The following SCAMP4 variants were observed in gnomAD, a reference collection of about 807,000 sequenced individuals.
SCAMP4 encodes secretory carrier-associated membrane protein 4.
Under a neutral mutation model 32.1 loss-of-function variants are expected in SCAMP4, and 19 were observed. That is an observed-to-expected ratio of 0.59 (90% confidence interval 0.41 to 0.87). The LOEUF (loss-of-function observed/expected upper bound fraction) is 0.87, where lower values mean the gene tolerates loss of function less well. Among genes scored for constraint, SCAMP4 ranks in the 40% least tolerant of loss-of-function variants. The probability of loss-of-function intolerance (pLI) is 0.00; values close to 1 mark genes in which losing one functional copy is unlikely to be tolerated. For synonymous variants in SCAMP4, 152 were observed against 132.7 expected (o/e 1.15, Z -1.00); for missense variants, 302 against 309.0 (o/e 0.98, Z 0.17).
At chr19:1,919,364 C>T (rs1599253480) in intron 5 of SCAMP4, 6 of 985,420 alleles carry the variant, frequency 6.1e-6, no homozygotes, top group Non-Finnish European at 7.2e-6. Flanking sequence ...GGAGGAAGAC[C>T]TGTACATCTG....
rs1217244788 is a variant in SCAMP4, at chr19:1,925,887, C to CA, written c.*1607dup. Reference sequence around the variant, plus strand: ...AGCCTCTCGCCTGCACTGATGCAGACAAAATCTCACCTGGCAGGCCCAACC... The same window carrying CA: ...AGCCTCTCGCCTGCACTGATGCAGACAAAAATCTCACCTGGCAGGCCCAACC... On this transcript the variant is annotated 3_prime_UTR_variant, in exon 7 of 7. Coordinates refer to ENST00000316097, the MANE Select transcript of SCAMP4 (RefSeq NM_079834.4). The CA allele has an allele frequency of 6.7e-6, 1 of 150,036 alleles. No homozygotes were observed. The highest frequency in any genetic ancestry group is 1.5e-5 in the Non-Finnish European group (1 of 67,682). 9.3% of individuals were successfully genotyped at this position (150,036 alleles called of 1,614,324 possible). A position where few individuals can be genotyped will look rare whatever the true frequency, so the allele number is the denominator to read the frequency against.
chr19:1,911,770 G>C (rs2145434723), intron 1 of SCAMP4: 3 of 325,670 alleles, frequency 9.2e-6, no homozygotes, highest in Non-Finnish European at 1.1e-5. Context: ...GCGACAGCGA[G>C]ACTCCGTCTC....
rs569296092 is a variant in SCAMP4, at chr19:1,908,458, G to A, written c.-42+3019G>A. 11 of 470,504 alleles carry A rather than the reference G, an allele frequency of 2.3e-5. No individual in the cohort carries two copies. In the East Asian group the frequency reaches 4.9e-4, roughly 21 times the overall value. 29.1% of individuals were successfully genotyped at this position (470,504 alleles called of 1,614,324 possible). ...GTAGCACCCACAGCTGCGCGGCTGC[G>A]AAATGATCCAGAGACACATCCCTGT... On this transcript the variant is annotated intron_variant, in intron 1 of 6. Coordinates refer to ENST00000316097, the MANE Select transcript of SCAMP4 (RefSeq NM_079834.4). The surrounding 1 kb of genome is among the most constrained non-coding windows in gnomAD (Gnocchi z 4.2).
intron 1 of SCAMP4, chr19:1,911,979 C>T (rs2013474923): frequency 3.5e-6 from 5 of 1,409,310 alleles, no homozygotes; most frequent in East Asian, 5.5e-5. Context: ...GCAGCACGCC[C>T]TGCCTTGTGG....
chr19:1,920,907 C>G, intron 5 of SCAMP4: 1 of 985,418 alleles, frequency 1.0e-6, no homozygotes, highest in Non-Finnish European at 1.2e-6. Context: ...CCCTCGTGCA[C>G]GTGCGGCAGC....
intron 5 of SCAMP4, 200 bp downstream of exon 5, chr19:1,919,190 G>C (rs1038200926): frequency 9.2e-6 from 13 of 1,419,802 alleles, no homozygotes; most frequent in Non-Finnish European, 1.1e-5. Context: ...GCCATGGTTC[G>C]CGATTGTAGG....
intron 6 of SCAMP4, among the ~76,000 whole-genome samples, chr19:1,923,787 TA>T (rs1256069388): frequency 3.4e-5 from 5 of 145,396 alleles, no homozygotes. Context: ...CCTGGCTAAT[TA>T]TTTTGTTTTT....
At chr19:1,909,307 C>G (rs2013309954) in intron 1 of SCAMP4, among the ~76,000 whole-genome samples, 1 of 152,168 alleles carries the variant, frequency 6.6e-6, no homozygotes, top group African/African-American at 2.4e-5. Flanking sequence ...GCAGTCCCTG[C>G]AGGCTGGCTG....
chr19:1,924,743 C>T lies in SCAMP4; in HGVS notation c.*459C>T, dbSNP rs1043135655. ...CGTCACCATGGCAGATGCCCTTGGC[C>T]GGAACTAATAAGAGGCGTCGGGGCC... On this transcript the variant is annotated 3_prime_UTR_variant, in exon 7 of 7. Coordinates refer to ENST00000316097, the MANE Select transcript of SCAMP4 (RefSeq NM_079834.4). 5.9e-5 allele frequency: 12 copies of T among 201,880 alleles called. No homozygotes were observed. The highest frequency in any genetic ancestry group is 2.2e-4 in the East Asian group (2 of 9,042). 12.5% of individuals were successfully genotyped at this position (201,880 alleles called of 1,614,324 possible).
At chr19:1,922,949 A>G (rs1001294731) in intron 5 of SCAMP4, 121 bp from the exon 6 acceptor site, 71 of 1,364,592 alleles carry the variant, frequency 5.2e-5, no homozygotes, top group African/African-American at 1.6e-4. Flanking sequence ...TCGTCCTTGT[A>G]TGAGCTGTCC....
chr19:1,917,563 C>T, intron 2 of SCAMP4, 131 bp from the exon 3 acceptor site: 2 of 958,532 alleles, frequency 2.1e-6, no homozygotes, highest in Non-Finnish European at 3.1e-6. Context: ...GTCTCAGCGT[C>T]CTGCCCTCAA....
chr19:1,920,727 T>C, intron 5 of SCAMP4: 1 of 985,570 alleles, frequency 1.0e-6, no homozygotes, highest in Non-Finnish European at 1.2e-6. Flanking sequence ...CGGCTCCCAC[T>C]GGCCCTTCCC....
intron 1 of SCAMP4, chr19:1,912,202 A>C: frequency 6.3e-7 from 1 of 1,589,328 alleles, no homozygotes; most frequent in East Asian, 2.3e-5. Context: ...TCCGAGAAGC[A>C]GTCAGGGGAC....
intron 2 of SCAMP4, 51 bp downstream of exon 2, chr19:1,915,077 G>A: frequency 4.3e-6 from 7 of 1,611,210 alleles, no homozygotes; most frequent in Non-Finnish European, 5.1e-6. Flanking sequence ...GGAGGGAGAT[G>A]CCAGCAGTTC....
intron 1 of SCAMP4, chr19:1,914,670 A>C: frequency 2.3e-6 from 1 of 439,204 alleles, no homozygotes. Context: ...TGTGGGCTGA[A>C]GCCGGGATTT....
intron 1 of SCAMP4, chr19:1,912,306 G>A (rs1385656959): frequency 9.0e-6 from 14 of 1,559,632 alleles, no homozygotes; most frequent in African/African-American, 1.4e-5. Flanking sequence ...CCCGCTCCCC[G>A]CCCAGCCTCA....
chr19:1,920,717 C>T lies in SCAMP4; in HGVS notation c.395+1727C>T, dbSNP rs764857369. On this transcript the variant is annotated intron_variant, in intron 5 of 6. Transcript: ENST00000316097. ...CCTCCTGAGCTCCCAGCTGCCAGCT[C>T]GGCTCCCACTGGCCCTTCCCTGGGC... 4.7e-5 allele frequency: 46 copies of T among 985,552 alleles called. No homozygotes were observed. The East Asian group carries it at 1.0e-3, about 22-fold the overall frequency. 61.1% of individuals were successfully genotyped at this position (985,552 alleles called of 1,614,324 possible). A position where few individuals can be genotyped will look rare whatever the true frequency, so the allele number is the denominator to read the frequency against.
chr19:1,907,106 G>C (rs905251034), intron 1 of SCAMP4: 1 of 151,222 alleles, frequency 6.6e-6, no homozygotes, highest in African/African-American at 2.4e-5. Context: ...AGAATTGCTT[G>C]AACCAGGGAG....
At chr19:1,916,810 T>C (rs182392313) in intron 2 of SCAMP4, among the ~76,000 whole-genome samples, 19 of 152,302 alleles carry the variant, frequency 1.2e-4, no homozygotes, top group East Asian at 3.9e-4. Context: ...ACAGCAGCCA[T>C]GGGGAACGGA....
Sources: gnomAD v4.1 joint callset for allele counts (sites outside exome capture counted in the v4.1 genomes callset) on GRCh38, gnomAD v4.1.1 for gene constraint, Gnocchi (gnomAD v3.1) non-coding constraint, MANE v1.5 for transcripts, NCBI Gene and HGNC (gene_info 2026-07-23, HGNC 2026-07-21) for gene names.